The following KAZN variants were observed in gnomAD, a reference collection of about 807,000 sequenced individuals.
KAZN encodes kazrin, periplakin interacting protein.
In KAZN, 40 loss-of-function variants were observed where a neutral mutation model predicts 87.4. The observed-to-expected ratio is 0.46, with a 90% CI of 0.36 to 0.60. KAZN has a LOEUF of 0.60. KAZN is among the 20% of genes least tolerant of loss of function. The pLI, the probability that KAZN is intolerant of heterozygous loss-of-function variation, is 0.00. For missense variants in KAZN, 898 were observed against 1,073.9 expected, an observed-to-expected ratio of 0.84 and a Z score of 2.29; for synonymous variants, 466 against 458.3, an observed-to-expected ratio of 1.02 and a Z score of -0.22.
chr1:13,920,482 C>G (rs1043572543), intron 1 of KAZN, among the ~76,000 whole-genome samples: 9 of 152,132 alleles, frequency 5.9e-5, no homozygotes, highest in Non-Finnish European at 1.2e-4. Context: ...AGTTGGCAGG[C>G]TCACCAGGTG....
chr1:14,149,608 A>G (rs1468625328), intron 1 of KAZN, among the ~76,000 whole-genome samples: 1 of 152,012 alleles, frequency 6.6e-6, no homozygotes, highest in Non-Finnish European at 1.5e-5. Flanking sequence ...GGTCACCACT[A>G]CGTCATCTGA....
intron 1 of KAZN, among the ~76,000 whole-genome samples, chr1:14,877,812 G>C (rs1311547042): frequency 1.3e-5 from 2 of 152,170 alleles, no homozygotes; most frequent in African/African-American, 2.4e-5. Context: ...ATCAGTAAAG[G>C]CTGTTGTTAT....
intron 2 of KAZN, among the ~76,000 whole-genome samples, chr1:14,334,757 T>G (rs1461489431): frequency 6.6e-6 from 1 of 152,206 alleles, no homozygotes; most frequent in Non-Finnish European, 1.5e-5. Context: ...CCCTGTCACA[T>G]GGACCCTTTT....
chr1:14,891,528 AACAAGCTTCCCAGC>A (rs1654722482), intron 1 of KAZN, among the ~76,000 whole-genome samples: 1 of 152,210 alleles, frequency 6.6e-6, no homozygotes, highest in Non-Finnish European at 1.5e-5. Flanking sequence ...TCTGTATTTT[AACAAGCTTCCCAGC>A]ACTTCCCATG....
At chr1:13,929,159 A>T (rs991773261) in intron 1 of KAZN, among the ~76,000 whole-genome samples, 1 of 150,246 alleles carries the variant, frequency 6.7e-6, no homozygotes, top group Non-Finnish European at 1.5e-5. Context: ...GGCTCAGGCA[A>T]TCTTTCCACC....
chr1:14,163,755 T>G (rs929114221), intron 1 of KAZN, among the ~76,000 whole-genome samples: 9 of 152,242 alleles, frequency 5.9e-5, no homozygotes, highest in Admixed American at 3.3e-4. Flanking sequence ...GCCCTGCACG[T>G]GTCTGCCTAG....
At chr1:14,520,340 G>C (rs770899022) in intron 2 of KAZN, among the ~76,000 whole-genome samples, 1 of 152,128 alleles carries the variant, frequency 6.6e-6, no homozygotes, top group African/African-American at 2.4e-5. Context: ...AGAAGGGTGG[G>C]CATGGGGTGC....
At chr1:15,026,633 G>A (rs143951610) in intron 2 of KAZN, among the ~76,000 whole-genome samples, 103 of 152,110 alleles carry the variant, frequency 6.8e-4, no homozygotes, top group African/African-American at 2.4e-3. Context: ...AGACCAGATA[G>A]CTTGTCCCTA....
chr1:15,048,611 G>GTCAGTC (rs1557754171), intron 4 of KAZN, among the ~76,000 whole-genome samples: 31 of 132,628 alleles, frequency 2.3e-4, no homozygotes, highest in African/African-American at 1.3e-3. Flanking sequence ...GTCCTGGGTC[G>GTCAGTC]CTGGTCCTGG....
At chr1:14,698,751 C>T (rs1641759923) in intron 1 of KAZN, among the ~76,000 whole-genome samples, 1 of 152,208 alleles carries the variant, frequency 6.6e-6, no homozygotes, top group Non-Finnish European at 1.5e-5. Context: ...GCTCCCAGAA[C>T]CCTGAATGGA....
At chr1:14,549,380 ATCTAGGTTTAAGTCT>A (rs1673361173) in intron 2 of KAZN, among the ~76,000 whole-genome samples, 1 of 152,172 alleles carries the variant, frequency 6.6e-6, no homozygotes, top group African/African-American at 2.4e-5. Context: ...GGCCAATGGA[ATCTAGGTTTAAGTCT>A]TCAGAGAGGA....
intron 2 of KAZN, among the ~76,000 whole-genome samples, chr1:14,334,479 A>C (rs1204266962): frequency 6.6e-6 from 1 of 151,688 alleles, no homozygotes; most frequent in Non-Finnish European, 1.5e-5. Flanking sequence ...ATGGAAAGTC[A>C]GTAGCCAGTT....
chr1:14,374,783 C>T (rs567908689), intron 2 of KAZN, among the ~76,000 whole-genome samples: 1 of 152,140 alleles, frequency 6.6e-6, no homozygotes, highest in Non-Finnish European at 1.5e-5. Flanking sequence ...TCATCACGCT[C>T]CCTGTACTGC....
At chr1:15,014,716 T>G (rs1669905205) in intron 2 of KAZN, among the ~76,000 whole-genome samples, 1 of 152,182 alleles carries the variant, frequency 6.6e-6, no homozygotes, top group Non-Finnish European at 1.5e-5. Context: ...GGAAGGGCAG[T>G]TAGCTGAAAG....
At chr1:14,359,656 G>C (rs1659335944) in intron 2 of KAZN, among the ~76,000 whole-genome samples, 1 of 152,154 alleles carries the variant, frequency 6.6e-6, no homozygotes, top group African/African-American at 2.4e-5. Context: ...CTCAGCATTT[G>C]CTTGTCTGTA....
chr1:13,987,749 C>A (rs1372088485), intron 1 of KAZN, among the ~76,000 whole-genome samples: 1 of 152,092 alleles, frequency 6.6e-6, no homozygotes, highest in Non-Finnish European at 1.5e-5. Flanking sequence ...TTAAAAATCC[C>A]ATTTCTTAAT....
At chr1:14,083,963 T>C (rs1643772160) in intron 1 of KAZN, among the ~76,000 whole-genome samples, 1 of 152,224 alleles carries the variant, frequency 6.6e-6, no homozygotes, top group African/African-American at 2.4e-5. Flanking sequence ...GTGTGTTCTG[T>C]AGTACAGTTG....
chr1:15,094,934 G>A lies in KAZN; in HGVS notation c.1547+1G>A. ...ACCGTGATGCCGAGGCAGGCCGCAGGTGAGCCCACCACGAGGGGCCCCGGG... is the reference window on the plus strand; with the variant it reads ...ACCGTGATGCCGAGGCAGGCCGCAGATGAGCCCACCACGAGGGGCCCCGGG... On this transcript the variant is annotated splice_donor_variant, in intron 10 of 14. Transcript: ENST00000376030. LOFTEE classifies it high-confidence loss of function. The surrounding 1 kb of genome is among the most constrained non-coding windows in gnomAD (Gnocchi z 4.5). 6.5e-7 allele frequency: 1 copy of A among 1,547,550 alleles called. No individual in the cohort carries two copies. Among genetic ancestry groups the A allele is most frequent in the Non-Finnish European group, 8.7e-7 (1 of 1,144,712 alleles).
intron 1 of KAZN, among the ~76,000 whole-genome samples, chr1:14,825,401 C>T (rs1416291967): frequency 2.0e-5 from 3 of 152,202 alleles, no homozygotes; most frequent in East Asian, 1.9e-4. Context: ...TCATCCCACA[C>T]TCTCTCTAGA....
Sources: gnomAD v4.1 joint callset for allele counts (sites outside exome capture counted in the v4.1 genomes callset) on GRCh38, gnomAD v4.1.1 for gene constraint, Gnocchi (gnomAD v3.1) non-coding constraint, MANE v1.5 for transcripts, NCBI Gene and HGNC (gene_info 2026-07-23, HGNC 2026-07-21) for gene names.